ERCC4: variants seen among roughly 807,000 people sequenced by gnomAD.
The protein encoded by ERCC4 is ERCC excision repair 4, endonuclease catalytic subunit, also known as DNA repair endonuclease XPF.
Under a neutral mutation model 76.9 loss-of-function variants are expected in ERCC4, and 65 were observed. That is an observed-to-expected ratio of 0.84 (90% CI 0.69 to 1.04). The LOEUF is 1.04. Ranked by LOEUF, ERCC4 falls within the 50% of genes least tolerant of loss-of-function variation. The probability of loss-of-function intolerance (pLI) is 0.00; values close to 1 mark genes in which losing one functional copy is unlikely to be tolerated. For synonymous variants in ERCC4, 463 were observed against 410.1 expected (o/e 1.13, Z -1.56); for missense variants, 1,214 against 1,128.2 (o/e 1.08, Z -1.09).
Position 13,937,086 on chromosome 16 carries a change from A to ATTTTTTTTTTTT in ERCC4, c.1812-675_1812-664dup, listed in dbSNP as rs71150154. ...AGGCATGTGCCACCATGCTCAACTAATTTTTTTTTTTTTTTTGTAGAGATG... is the reference window on the plus strand; with the variant it reads ...AGGCATGTGCCACCATGCTCAACTAATTTTTTTTTTTTTTTTTTTTTTTTTTTTGTAGAGATG... On this transcript the variant is annotated intron_variant, in intron 8 of 10. Coordinates refer to ENST00000311895, the MANE Select transcript of ERCC4 (RefSeq NM_005236.3). Among the ~76,000 whole-genome samples the ATTTTTTTTTTTT allele has an allele frequency of 4.2e-3, 539 of 128,594 alleles. 4 individuals carry two copies. The highest frequency in any genetic ancestry group is 8.3e-3 in the Middle Eastern group (2 of 240). 84.4% of individuals were successfully genotyped at this position (128,594 alleles called of 152,430 possible).
Position 13,922,152 on chromosome 16 carries a change from C to T in ERCC4, c.329C>T (p.Thr110Ile). ...ACACAAGGTGGTGTTATATTTGCGA[C>T]AAGTAGGATACTTGTGGTTGACTTC... is the stretch of plus-strand genomic sequence containing the variant. Reference protein sequence around the residue: ...VYTQGGVIFATSRILVVDFLT... With the variant: ...VYTQGGVIFAISRILVVDFLT... The change falls in exon 2 of 11, where the codon ACA (threonine) becomes ATA (isoleucine). Residue 110 changes from threonine (T) to isoleucine (I), a missense_variant. Coordinates refer to ENST00000311895, the MANE Select transcript of ERCC4 (RefSeq NM_005236.3). The T allele has an allele frequency of 6.2e-7, 1 of 1,613,200 alleles. No homozygotes were observed. Among genetic ancestry groups the T allele is most frequent in the Non-Finnish European group, 8.5e-7 (1 of 1,179,274 alleles).
chr16:13,945,438 C>G (rs761123316), intron 10 of ERCC4, among the ~76,000 whole-genome samples: 5 of 152,252 alleles, frequency 3.3e-5, no homozygotes, highest in Admixed American at 1.3e-4. Flanking sequence ...TTTCCCATTC[C>G]CCAAATTCCT....
chr16:13,932,025 T>C (rs566191343), intron 5 of ERCC4, 132 bp from the exon 6 acceptor site: 1 of 810,372 alleles, frequency 1.2e-6, no homozygotes, highest in Non-Finnish European at 2.1e-6. Context: ...CAGATCACAG[T>C]AGTGGGAGGC....
At position 13,920,256 on chromosome 16, in the gene ERCC4, G is replaced by C; in HGVS notation, c.91G>C (p.Gly31Arg). ...GGTGCTGGAACTGCTCGACACTGAC[G>C]GGCTAGTAGTGTGCGCCCGCGGGCT... ...QLVLELLDTD[G>R]LVVCARGLGA... The change falls in exon 1 of 11, where the codon GGG becomes CGG. Residue 31 changes from glycine (G) to arginine (R), a missense_variant. Gly to Arg is a moderately radical substitution (Grantham distance 125). Transcript: ENST00000311895. 6.2e-7 allele frequency: 1 copy of C among 1,607,386 alleles called. No individual in the cohort carries two copies. Among genetic ancestry groups the C allele is most frequent in the South Asian group, 1.1e-5 (1 of 91,070 alleles).
rs1378622304 is a variant in ERCC4, at chr16:13,947,684, A to G, written c.2088A>G (p.Pro696=). 3.7e-6 allele frequency: 6 copies of G among 1,614,136 alleles called. No homozygotes were observed. Among genetic ancestry groups the G allele is most frequent in the South Asian group, 1.1e-5 (1 of 91,084 alleles). ...TGCGTGAATTTCGAAGTGAGCTTCC[A>G]TCTCTGATCCATCGTCGGGGCATTG... ...VDMREFRSEL[P]SLIHRRGIDI... The change falls in exon 11 of 11, where the codon CCA becomes CCG. Residue 696 remains proline, a synonymous_variant. Coordinates refer to ENST00000311895, the MANE Select transcript of ERCC4 (RefSeq NM_005236.3).
At chr16:13,933,959 T>C (rs2032233043) in intron 6 of ERCC4, 1 of 453,996 alleles carries the variant, frequency 2.2e-6, no homozygotes, top group Non-Finnish European at 4.0e-6. Flanking sequence ...TGACCATGCA[T>C]ATAACTTTCT....
chr16:13,942,580 T>C lies in ERCC4; in HGVS notation c.1905-2143T>C, dbSNP rs532028567. On this transcript the variant is annotated intron_variant, in intron 9 of 10. Transcript: ENST00000311895. Reference sequence around the variant, plus strand: ...CCTTGCATATGTTATGTAATCCTCATAACAGTCTTTTGAGGTAAGTTTTTA... The same window carrying C: ...CCTTGCATATGTTATGTAATCCTCACAACAGTCTTTTGAGGTAAGTTTTTA... 2.2e-4 allele frequency among the ~76,000 whole-genome samples: 34 copies of C among 152,358 alleles called. No homozygotes were observed. The South Asian group carries it at 6.4e-3, about 29-fold the overall frequency.
Position 13,932,150 on chromosome 16 carries a change from G to C in ERCC4, c.974-7G>C, listed in dbSNP as rs254942. The C allele has an allele frequency of 6.2e-7, 1 of 1,612,612 alleles. No homozygotes were observed. Among genetic ancestry groups the C allele is most frequent in the Non-Finnish European group, 8.5e-7 (1 of 1,178,762 alleles). ...ATGGCACTTTTTCTTTTAACTTTTC[G>C]TATTAGGTTGGCTGTTTCTTGACTC... On this transcript the variant is annotated splice_region_variant and splice_polypyrimidine_tract_variant and intron_variant, in intron 5 of 10. Transcript: ENST00000311895.
intron 9 of ERCC4, among the ~76,000 whole-genome samples, chr16:13,939,564 A>T (rs554647776): frequency 1.2e-4 from 19 of 152,210 alleles, no homozygotes; most frequent in African/African-American, 4.6e-4. Flanking sequence ...GTTATGTTGA[A>T]CAAAGGCGTG....
Position 13,920,371 on chromosome 16 carries a change from A to C in ERCC4, c.206A>C (p.Glu69Ala). The part of the protein sequence containing the change: ...VLVLNTQPAE[E>A]EYFINQLKIE... Reference sequence around the variant, plus strand: ...GTGCTCAACACGCAGCCGGCCGAGGAGGTGCGGCCGCGCTGGCGCGGGAGT... The same window carrying C: ...GTGCTCAACACGCAGCCGGCCGAGGCGGTGCGGCCGCGCTGGCGCGGGAGT... Residue 69 changes from glutamate to alanine, a missense_variant and splice_region_variant, in exon 1 of 11, where the codon GAG becomes GCG. Coordinates refer to ENST00000311895, the MANE Select transcript of ERCC4 (RefSeq NM_005236.3). The C allele has an allele frequency of 1.3e-6, 2 of 1,571,280 alleles. No individual in the cohort carries two copies. Among genetic ancestry groups the C allele is most frequent in the Non-Finnish European group, 1.7e-6 (2 of 1,165,926 alleles).
chr16:13,926,954 C>T (rs989199304), intron 3 of ERCC4, among the ~76,000 whole-genome samples, 198 bp downstream of exon 3: 2 of 152,118 alleles, frequency 1.3e-5, no homozygotes, highest in Non-Finnish European at 2.9e-5. Context: ...TTATTTAAGT[C>T]GAGAGCAATT....
intron 2 of ERCC4, 102 bp downstream of exon 2, chr16:13,922,313 T>A: frequency 1.1e-6 from 1 of 894,324 alleles, no homozygotes; most frequent in Non-Finnish European, 1.8e-6. Context: ...CTGTCTTCAG[T>A]CTTGAAGGAC....
intron 4 of ERCC4, among the ~76,000 whole-genome samples, chr16:13,929,416 G>A (rs1381549279): frequency 6.6e-6 from 1 of 152,100 alleles, no homozygotes; most frequent in African/African-American, 2.4e-5. Context: ...AAGTGTTCTG[G>A]TTTAGACAAT....
In ERCC4 at chr16:13,928,104, A is replaced by G; in HGVS notation, c.661A>G (p.Thr221Ala). The G allele has an allele frequency of 3.7e-6, 6 of 1,613,612 alleles. No homozygotes were observed. The highest frequency in any genetic ancestry group is 5.1e-6 in the Non-Finnish European group (6 of 1,179,628). ...AGAAATCCATGTTTCTATGACACCTACCATGCTTGCTATACAGACTGCTAT... is the reference window on the plus strand; with the variant it reads ...AGAAATCCATGTTTCTATGACACCTGCCATGCTTGCTATACAGACTGCTAT... ...VVEIHVSMTP[T>A]MLAIQTAILD... Residue 221 changes from threonine (T) to alanine (A), a missense_variant, in exon 4 of 11, where the codon ACC (threonine) becomes GCC (alanine). Transcript: ENST00000311895.
chr16:13,939,498 G>A (rs1013954352), intron 9 of ERCC4, among the ~76,000 whole-genome samples: 2 of 152,072 alleles, frequency 1.3e-5, no homozygotes, highest in East Asian at 1.9e-4. Context: ...ATCGGGAGCC[G>A]CTTCCCTGAG....
chr16:13,920,368 A>T lies in ERCC4; in HGVS notation c.203A>T (p.Glu68Val). ...CTGGTGCTCAACACGCAGCCGGCCG[A>T]GGAGGTGCGGCCGCGCTGGCGCGGG... ...LVLVLNTQPA[E>V]EEYFINQLKI... The change falls in exon 1 of 11, where the codon GAG (glutamate) becomes GTG (valine). Residue 68 changes from glutamate (E) to valine (V), a missense_variant. Physicochemically the swap from Glu to Val is moderately radical, Grantham distance 121 (BLOSUM62 -2). Transcript: ENST00000311895. 1.3e-6 allele frequency: 2 copies of T among 1,574,866 alleles called. No homozygotes were observed. Among genetic ancestry groups the T allele is most frequent in the East Asian group, 2.3e-5 (1 of 43,286 alleles).
chr16:13,923,811 G>A (rs2032023365), intron 2 of ERCC4, among the ~76,000 whole-genome samples: 2 of 152,136 alleles, frequency 1.3e-5, no homozygotes, highest in African/African-American at 4.8e-5. Flanking sequence ...GTCTTTTACT[G>A]TTTGCTGCTT....
At chr16:13,941,114 T>G (rs2032404898) in intron 9 of ERCC4, among the ~76,000 whole-genome samples, 1 of 152,174 alleles carries the variant, frequency 6.6e-6, no homozygotes, top group South Asian at 2.1e-4. Flanking sequence ...AAGGACTCAG[T>G]GACAAGATGT....
intron 4 of ERCC4, among the ~76,000 whole-genome samples, chr16:13,929,548 G>T (rs1039600388): frequency 6.6e-6 from 1 of 152,118 alleles, no homozygotes; most frequent in African/African-American, 2.4e-5. Context: ...AGATAATTCT[G>T]TACCTAAAAA....
Sources: gnomAD v4.1 joint callset for allele counts (sites outside exome capture counted in the v4.1 genomes callset) on GRCh38, gnomAD v4.1.1 for gene constraint, MANE v1.5 for transcripts, NCBI Gene and HGNC (gene_info 2026-07-23, HGNC 2026-07-21) for gene names.